Variants in LYPLA1 observed in about 807,000 individuals in gnomAD.
LYPLA1 encodes lysophospholipase 1, also known as acyl-protein thioesterase 1.
LYPLA1 carries 17 observed loss-of-function variants against 34.0 expected under a neutral mutation model. The ratio of observed to expected loss-of-function variants is 0.50; its 90% CI spans 0.34 to 0.75. LYPLA1 has a LOEUF of 0.75. Ranked by LOEUF, LYPLA1 falls within the 30% of genes least tolerant of loss-of-function variation. LYPLA1 has a pLI of 0.01. For missense variants in LYPLA1, 203 were observed against 288.8 expected, an observed-to-expected ratio of 0.70 and a Z score of 2.15; for synonymous variants, 98 against 100.8, an observed-to-expected ratio of 0.97 and a Z score of 0.17.
chr8:54,075,560 G>C (rs879883608), intron 2 of LYPLA1, among the ~76,000 whole-genome samples: 2 of 152,124 alleles, frequency 1.3e-5, no homozygotes, highest in Non-Finnish European at 2.9e-5. Flanking sequence ...GAAAACCTGA[G>C]GAAAGCGGGA....
intron 2 of LYPLA1, among the ~76,000 whole-genome samples, chr8:54,084,133 A>AAAAAAAAAAAAATTTTTATATAT (rs1373090573): frequency 8.3e-6 from 1 of 120,448 alleles, no homozygotes; most frequent in Non-Finnish European, 1.6e-5. Flanking sequence ...AGAAAAAAAA[A>AAAAAAAAAAAAATTTTTATATAT]ATAAATAAAT....
intron 2 of LYPLA1, among the ~76,000 whole-genome samples, chr8:54,097,561 A>T (rs1341581790): frequency 6.6e-6 from 1 of 152,238 alleles, no homozygotes; most frequent in Non-Finnish European, 1.5e-5. Flanking sequence ...CTAAATGTTA[A>T]ATTTAATGGG....
At chr8:54,101,502 C>T (rs1810148986) in intron 1 of LYPLA1, 2 of 1,124,684 alleles carry the variant, frequency 1.8e-6, no homozygotes, top group Admixed American at 4.9e-5. Context: ...GGCCGGCCCG[C>T]GGGGGTCCCG....
At chr8:54,073,881 T>C (rs762863632) in intron 2 of LYPLA1, among the ~76,000 whole-genome samples, 7 of 152,228 alleles carry the variant, frequency 4.6e-5, no homozygotes, top group Non-Finnish European at 7.3e-5. Flanking sequence ...TTTTAAACAA[T>C]TGAATTATAT....
chr8:54,085,104 G>C (rs1367746603), intron 2 of LYPLA1, among the ~76,000 whole-genome samples: 2 of 152,128 alleles, frequency 1.3e-5, no homozygotes, highest in Admixed American at 1.3e-4. Flanking sequence ...CTCCCTGCCT[G>C]ATTCTCCTGC....
At chr8:54,065,864 G>C (rs774588480) in intron 2 of LYPLA1, 51 bp from the exon 3 acceptor site, 1 of 1,162,860 alleles carries the variant, frequency 8.6e-7, no homozygotes, top group Non-Finnish European at 1.3e-6. Flanking sequence ...TTAAATCCCA[G>C]TAAGTAAGTA....
At chr8:54,096,340 C>T (rs1397858734) in intron 2 of LYPLA1, among the ~76,000 whole-genome samples, 1 of 152,128 alleles carries the variant, frequency 6.6e-6, no homozygotes, top group Non-Finnish European at 1.5e-5. Context: ...TGGTTCATGC[C>T]TGTAATTCCA....
chr8:54,073,045 C>G (rs1807607913), intron 2 of LYPLA1: 1 of 497,410 alleles, frequency 2.0e-6, no homozygotes, highest in Non-Finnish European at 3.8e-6. Context: ...AATACCATCT[C>G]ACAGCAGGCA....
chr8:54,059,325 T>C lies in LYPLA1; in HGVS notation c.286+2929A>G, dbSNP rs559191228. Among the ~76,000 whole-genome samples, 446 of 118,224 alleles carry C rather than the reference T, an allele frequency of 3.8e-3. 64 individuals are homozygous for C. The highest frequency in any genetic ancestry group is 4.8e-3 in the Non-Finnish European group (313 of 64,722). 77.6% of individuals were successfully genotyped at this position (118,224 alleles called of 152,430 possible). On this transcript the variant is annotated intron_variant, in intron 5 of 8. Coordinates refer to ENST00000316963, the MANE Select transcript of LYPLA1 (RefSeq NM_006330.4). Reference sequence around the variant, plus strand: ...TTTTTTTTTTTTTTTTGAGACGGAGTCTCGCTCTGTTGCCCAGGCCGGACT... The same window carrying C: ...TTTTTTTTTTTTTTTTGAGACGGAGCCTCGCTCTGTTGCCCAGGCCGGACT...
intron 2 of LYPLA1, among the ~76,000 whole-genome samples, chr8:54,069,501 T>G (rs1586118200): frequency 6.6e-6 from 1 of 152,086 alleles, no homozygotes; most frequent in East Asian, 1.9e-4. Flanking sequence ...ATCCCTTGAG[T>G]CCAGGAGTTC....
At chr8:54,079,339 T>A (rs1455300761) in intron 2 of LYPLA1, among the ~76,000 whole-genome samples, 1 of 152,126 alleles carries the variant, frequency 6.6e-6, no homozygotes, top group African/African-American at 2.4e-5. Context: ...ATAGTTAGCT[T>A]TGCAAATAGA....
chr8:54,082,823 T>G (rs1808415813), intron 2 of LYPLA1, among the ~76,000 whole-genome samples: 1 of 152,096 alleles, frequency 6.6e-6, no homozygotes, highest in Non-Finnish European at 1.5e-5. Context: ...GCCTCCCAGG[T>G]TCACGCCATT....
At chr8:54,062,138 G>C in intron 5 of LYPLA1, 116 bp downstream of exon 5, 3 of 690,628 alleles carry the variant, frequency 4.3e-6, no homozygotes, top group African/African-American at 1.9e-5. Flanking sequence ...GATTACAGGC[G>C]TGAGCCACCG....
intron 2 of LYPLA1, among the ~76,000 whole-genome samples, chr8:54,085,800 C>T (rs1382549797): frequency 4.9e-5 from 6 of 121,726 alleles, no homozygotes; most frequent in Admixed American, 1.5e-4. Context: ...CCGCCCCGTC[C>T]GCGAGGTGGG....
chr8:54,078,878 ACCC>A (rs76436990), intron 2 of LYPLA1, among the ~76,000 whole-genome samples: 1 of 141,734 alleles, frequency 7.1e-6, no homozygotes, highest in African/African-American at 2.9e-5. Flanking sequence ...ATGTTCAACA[ACCC>A]CCCCCCTTTT....
At position 54,047,638 on chromosome 8, in the gene LYPLA1, C is replaced by T. The variant is rs1805559737; in HGVS notation, c.*427G>A. On this transcript the variant is annotated 3_prime_UTR_variant, in exon 9 of 9. Coordinates refer to ENST00000316963, the MANE Select transcript of LYPLA1 (RefSeq NM_006330.4). The stretch of plus-strand genomic sequence containing the variant: ...TAAAAATACAGACACTGCATGGTGA[C>T]TAAGCAATTTTGGAATAAATCCATA... 6.5e-6 allele frequency: 1 copy of T among 154,992 alleles called. No homozygotes were observed. Among genetic ancestry groups the T allele is most frequent in the Non-Finnish European group, 1.4e-5 (1 of 70,084 alleles). 9.6% of individuals were successfully genotyped at this position (154,992 alleles called of 1,614,324 possible).
intron 1 of LYPLA1, 119 bp from the exon 2 acceptor site, chr8:54,101,058 C>A: frequency 2.4e-6 from 2 of 825,306 alleles, no homozygotes; most frequent in Non-Finnish European, 2.0e-6. Flanking sequence ...TTACACAACA[C>A]TATCTTCGGC....
In LYPLA1 at chr8:54,088,733, T is replaced by C. The variant is rs144115349; in HGVS notation, c.101+12175A>G. On this transcript the variant is annotated intron_variant, in intron 2 of 8. Coordinates refer to ENST00000316963, the MANE Select transcript of LYPLA1 (RefSeq NM_006330.4). ...ATCCAAATGTTCATTAATTGATGAA[T>C]GAATTATTTTTATGTGAATTTTCTT... Among the ~76,000 whole-genome samples, 320 of 152,346 alleles carry C rather than the reference T, an allele frequency of 2.1e-3. 2 individuals carry two copies. The highest frequency in any genetic ancestry group is 7.3e-3 in the African/African-American group (303 of 41,578).
intron 2 of LYPLA1, among the ~76,000 whole-genome samples, chr8:54,098,876 C>T (rs762052978): frequency 6.6e-6 from 1 of 152,150 alleles, no homozygotes; most frequent in Admixed American, 6.5e-5. Flanking sequence ...CTGACAGGTT[C>T]GAAGTTTCAT....
Sources: gnomAD v4.1 joint callset for allele counts (sites outside exome capture counted in the v4.1 genomes callset) on GRCh38, gnomAD v4.1.1 for gene constraint, MANE v1.5 for transcripts, NCBI Gene and HGNC (gene_info 2026-07-23, HGNC 2026-07-21) for gene names.